Variants in SMARCA4 observed in about 807,000 individuals in gnomAD.
The protein encoded by SMARCA4 is SWI/SNF-related matrix-associated actin-dependent regulator of chromatin subfamily A member 4.
A neutral mutation model predicts 193.9 loss-of-function variants in SMARCA4; 31 were observed. The ratio of observed to expected loss-of-function variants is 0.16; its 90% CI spans 0.12 to 0.22. SMARCA4 has a LOEUF of 0.22. Ranked by LOEUF, SMARCA4 falls within the 10% of genes least tolerant of loss-of-function variation. SMARCA4 has a pLI of 1.00. For synonymous variants in SMARCA4, 942 were observed against 933.1 expected, an observed-to-expected ratio of 1.01 and a Z score of -0.17; for missense variants, 1,148 against 2,296.0, an observed-to-expected ratio of 0.50 and a Z score of 10.22.
chr19:10,969,951 T>G (rs1371549586), intron 1 of SMARCA4, among the ~76,000 whole-genome samples: 3 of 152,148 alleles, frequency 2.0e-5, no homozygotes, highest in Non-Finnish European at 4.4e-5. Flanking sequence ...CTGTGACTTC[T>G]CCCCTATGCC....
At chr19:11,043,977 AAAAC>A (rs1568532723) in intron 30 of SMARCA4, among the ~76,000 whole-genome samples, 1 of 152,224 alleles carries the variant, frequency 6.6e-6, no homozygotes, top group Admixed American at 6.5e-5. Flanking sequence ...CAATACCTGA[AAAAC>A]AAAAAACAAA....
At chr19:11,020,788 C>T (rs547887116) in intron 18 of SMARCA4, 1 of 151,994 alleles carries the variant, frequency 6.6e-6, no homozygotes, top group East Asian at 1.9e-4. Flanking sequence ...GCTGGAGTGA[C>T]AGTACTGGAA....
At position 10,984,297 on chromosome 19, in the gene SMARCA4, C is replaced by T. The variant is rs1464033862; in HGVS notation, c.146C>T (p.Pro49Leu). 10 of 1,608,136 alleles carry T rather than the reference C, an allele frequency of 6.2e-6. No homozygotes were observed. The highest frequency in any genetic ancestry group is 2.2e-5 in the East Asian group (1 of 44,666). ...AHSMMGPSPG[P>L]PSAGHPIPTQ... ...AGCATGATGGGGCCCAGCCCAGGGC[C>T]GCCCTCAGCAGGACACCCCATCCCC... The change falls in exon 2 of 35, where the codon CCG becomes CTG. Residue 49 changes from proline to leucine, a missense_variant. Transcript: ENST00000344626. The surrounding 1 kb of genome is among the most constrained non-coding windows in gnomAD (Gnocchi z 4.3).
chr19:11,017,471 A>C (rs576673040), intron 16 of SMARCA4, among the ~76,000 whole-genome samples: 2 of 152,320 alleles, frequency 1.3e-5, no homozygotes, highest in East Asian at 3.9e-4. Flanking sequence ...AGGCCAGAAG[A>C]GGGCCCGCGC....
rs1243459998 is a variant in SMARCA4 at position 10,985,192 on chromosome 19, G to A, written c.223-81G>A. The A allele has an allele frequency of 6.7e-7, 1 of 1,493,868 alleles. No individual in the cohort carries two copies. The allele number at this position is 1,493,868 out of a possible 1,614,324, so 92.5% of individuals were successfully genotyped here. On this transcript the variant is annotated intron_variant, in intron 2 of 34. Transcript: ENST00000344626. The surrounding 1 kb of genome is among the most constrained non-coding windows in gnomAD (Gnocchi z 4.5). ...GGGTGGCTGTTCTCGGTGCCCTCGA[G>A]CTTCTCTCGGGCAGCGCATAGCTGC...
chr19:11,015,143 G>A (rs2089234209), intron 16 of SMARCA4, among the ~76,000 whole-genome samples: 1 of 152,174 alleles, frequency 6.6e-6, no homozygotes, highest in Non-Finnish European at 1.5e-5. Flanking sequence ...TGTAGAGTTA[G>A]TGTAAAGAAT....
At chr19:10,994,641 A>G (rs2086860445) in intron 8 of SMARCA4, among the ~76,000 whole-genome samples, 187 bp from the exon 9 acceptor site, 1 of 151,830 alleles carries the variant, frequency 6.6e-6, no homozygotes, top group African/African-American at 2.4e-5. Context: ...TTTTATTTTT[A>G]GTAGAGACGG....
intron 8 of SMARCA4, among the ~76,000 whole-genome samples, 194 bp from the exon 9 acceptor site, chr19:10,994,634 T>C (rs1275631462): frequency 6.6e-6 from 1 of 152,112 alleles, no homozygotes; most frequent in East Asian, 1.9e-4. Context: ...TTTTTATTTT[T>C]ATTTTTAGTA....
At position 11,030,700 on chromosome 19, in the gene SMARCA4, G is replaced by C; in HGVS notation, c.3383-30G>C. 6.2e-7 allele frequency: 1 copy of C among 1,602,478 alleles called. No homozygotes were observed. Among genetic ancestry groups the C allele is most frequent in the Admixed American group, 1.7e-5 (1 of 58,880 alleles). The stretch of plus-strand genomic sequence containing the variant: ...CCCACTCTACCCCTGAGGTCACCCC[G>C]CTGACCCTGTTCTCCTCTGTGCCCG... On this transcript the variant is annotated intron_variant, in intron 24 of 34. Transcript: ENST00000344626. The surrounding 1 kb of genome is among the most constrained non-coding windows in gnomAD (Gnocchi z 5.5).
At chr19:11,049,188 C>T (rs2076115276) in intron 30 of SMARCA4, among the ~76,000 whole-genome samples, 1 of 152,144 alleles carries the variant, frequency 6.6e-6, no homozygotes, top group Non-Finnish European at 1.5e-5. Context: ...ACAGTGCATG[C>T]AGAGGCTGGA....
intron 1 of SMARCA4, among the ~76,000 whole-genome samples, chr19:10,972,829 G>A (rs2084786510): frequency 6.6e-6 from 1 of 152,196 alleles, no homozygotes; most frequent in African/African-American, 2.4e-5. Context: ...AAAGAATAGG[G>A]GCCGGGCACA....
In SMARCA4 at chr19:10,986,714, C is replaced by T; in HGVS notation, c.760+121C>T. On this transcript the variant is annotated intron_variant, in intron 4 of 34. Transcript: ENST00000344626. This position sits in a 1 kb window ranked among gnomAD's most constrained non-coding sequence, Gnocchi z 6.7. ...TCCCCGGTTTGGGATTGCACGGGCC[C>T]ATACTGCACTTCTGGGTGCTCGGGT... 4 of 1,426,394 alleles carry T rather than the reference C, an allele frequency of 2.8e-6. No individual in the cohort carries two copies. Among genetic ancestry groups the T allele is most frequent in the Non-Finnish European group, 2.9e-6 (3 of 1,051,480 alleles). The allele number at this position is 1,426,394 out of a possible 1,614,324, so 88.4% of individuals were successfully genotyped here. A position where few individuals can be genotyped will look rare whatever the true frequency, so the allele number is the denominator to read the frequency against.
rs539931405 is a variant in SMARCA4 at position 10,984,519 on chromosome 19, G to T, written c.222+146G>T. 8 of 1,413,020 alleles carry T rather than the reference G, an allele frequency of 5.7e-6. No homozygotes were observed. The East Asian group carries it at 1.5e-4, about 26-fold the overall frequency. The allele number at this position is 1,413,020 out of a possible 1,614,324, so 87.5% of individuals were successfully genotyped here. On this transcript the variant is annotated intron_variant, in intron 2 of 34. Coordinates refer to ENST00000344626, the MANE Select transcript of SMARCA4 (RefSeq NM_003072.5). The surrounding 1 kb of genome is among the most constrained non-coding windows in gnomAD (Gnocchi z 4.3). ...CCTTGGCTCAGCCCCCTACCCCAGG[G>T]CCCACGGCCATGAACAGAAGGTTCA...
Position 11,061,943 on chromosome 19 carries a change from C to A in SMARCA4, c.*127C>A. 1.1e-6 allele frequency: 1 copy of A among 911,644 alleles called. No individual in the cohort carries two copies. Among genetic ancestry groups the A allele is most frequent in the Non-Finnish European group, 1.8e-6 (1 of 555,958 alleles). 56.5% of individuals were successfully genotyped at this position (911,644 alleles called of 1,614,324 possible). Reference sequence around the variant, plus strand: ...AGTAAAACTGTATAAACAAAAGAATCTTCCATATTTATACAGCAGAGAAGC... The same window carrying A: ...AGTAAAACTGTATAAACAAAAGAATATTCCATATTTATACAGCAGAGAAGC... On this transcript the variant is annotated 3_prime_UTR_variant, in exon 35 of 35. Transcript: ENST00000344626.
intron 18 of SMARCA4, chr19:11,021,471 C>T: frequency 1.7e-6 from 1 of 604,268 alleles, no homozygotes; most frequent in Non-Finnish European, 3.1e-6. Flanking sequence ...TGCTTTTTTG[C>T]AATTTGCATT....
Position 11,030,949 on chromosome 19 carries a change from T to C in SMARCA4, c.3546+56T>C, listed in dbSNP as rs2146606230. On this transcript the variant is annotated intron_variant, in intron 25 of 34. Coordinates refer to ENST00000344626, the MANE Select transcript of SMARCA4 (RefSeq NM_003072.5). The surrounding 1 kb of genome is among the most constrained non-coding windows in gnomAD (Gnocchi z 5.5). Reference sequence around the variant, plus strand: ...GAAGGAAGGGGGTGCCTGCAAAACCTCGAGGAGACGGCCCTGGCTTGAGGG... The same window carrying C: ...GAAGGAAGGGGGTGCCTGCAAAACCCCGAGGAGACGGCCCTGGCTTGAGGG... The C allele has an allele frequency of 6.5e-7, 1 of 1,532,312 alleles. No homozygotes were observed. 94.9% of individuals were successfully genotyped at this position (1,532,312 alleles called of 1,614,324 possible).
intron 16 of SMARCA4, among the ~76,000 whole-genome samples, chr19:11,017,617 C>T (rs1484109042): frequency 1.3e-5 from 2 of 152,274 alleles, no homozygotes; most frequent in South Asian, 4.1e-4. Flanking sequence ...TCAGTCCCCT[C>T]CTGACCCTTG....
chr19:11,008,931 G>A (rs376791119), intron 14 of SMARCA4, among the ~76,000 whole-genome samples: 8 of 135,538 alleles, frequency 5.9e-5, no homozygotes, highest in East Asian at 2.5e-4. Context: ...CTGAGATAGC[G>A]CCACTGCACT....
At chr19:11,037,295 C>G (rs185663797) in intron 29 of SMARCA4, among the ~76,000 whole-genome samples, 38 of 152,350 alleles carry the variant, frequency 2.5e-4, no homozygotes, top group African/African-American at 8.7e-4. Flanking sequence ...GAGAATTCCT[C>G]TTTCTCTACA....
Sources: allele counts gnomAD v4.1 joint callset (sites outside exome capture counted in the v4.1 genomes callset), GRCh38; gene constraint gnomAD v4.1.1; non-coding constraint Gnocchi (gnomAD v3.1); transcripts MANE v1.5; gene names NCBI Gene and HGNC (gene_info 2026-07-23, HGNC 2026-07-21).